The following DMD variants were observed in gnomAD, a reference collection of about 807,000 sequenced individuals.
The protein encoded by DMD is dystrophin.
In DMD, 63 loss-of-function variants were observed where a neutral mutation model predicts 330.1. The ratio of observed to expected loss-of-function variants is 0.19; its 90% CI spans 0.16 to 0.24. DMD has a LOEUF of 0.24. DMD is among the 10% of genes least tolerant of loss of function. DMD has a pLI of 1.00. For missense variants in DMD, 3,344 were observed against 2,684.1 expected (o/e 1.25, Z -5.43); for synonymous variants, 1,223 against 959.8 (o/e 1.27, Z -5.07).
At chrX:31,859,036 T>C (rs1042443515) in intron 48 of DMD, among the ~76,000 whole-genome samples, 7 of 112,059 alleles carry the variant, frequency 6.2e-5, no homozygotes, top group Admixed American at 3.8e-4. Flanking sequence ...GTAACTGATA[T>C]AGTCAGCAGA....
chrX:32,730,510 G>T (rs1289888220), intron 7 of DMD, among the ~76,000 whole-genome samples: 2 of 112,000 alleles, frequency 1.8e-5, no homozygotes, highest in Non-Finnish European at 3.8e-5. Context: ...AGAGCCATAG[G>T]ACAGAAGAGT....
intron 43 of DMD, among the ~76,000 whole-genome samples, chrX:32,233,415 T>A (rs2097175449): frequency 9.0e-6 from 1 of 110,867 alleles, no homozygotes; most frequent in Non-Finnish European, 1.9e-5. Flanking sequence ...TAGATCAACA[T>A]TATGAAGGTT....
chrX:31,490,434 T>C (rs1335696637), intron 57 of DMD, among the ~76,000 whole-genome samples: 2 of 111,328 alleles, frequency 1.8e-5, no homozygotes, highest in African/African-American at 3.3e-5. Flanking sequence ...TGGTGGTGGG[T>C]GCCTGTAGTC....
intron 29 of DMD, among the ~76,000 whole-genome samples, chrX:32,431,561 A>G (rs1469688904): frequency 9.1e-6 from 1 of 110,354 alleles, no homozygotes; most frequent in Non-Finnish European, 1.9e-5. Context: ...CCACCTCCTT[A>G]GTTTTTGGTA....
intron 44 of DMD, among the ~76,000 whole-genome samples, chrX:32,126,046 GAGTGTTAGCAA>G (rs751024475): frequency 2.7e-5 from 3 of 111,987 alleles, no homozygotes; most frequent in Non-Finnish European, 5.6e-5. Context: ...TCCCCTTCCT[GAGTGTTAGCAA>G]AGTGATGGGT....
chrX:31,745,451 C>T (rs1480078705), intron 51 of DMD, among the ~76,000 whole-genome samples: 1 of 111,731 alleles, frequency 9.0e-6, no homozygotes, highest in Admixed American at 9.5e-5. Flanking sequence ...ATATTAACCT[C>T]GTACAACTGC....
At chrX:33,242,907 G>GT (rs2052610029) in intron 1 of DMD, among the ~76,000 whole-genome samples, 1 of 111,965 alleles carries the variant, frequency 8.9e-6, no homozygotes, top group Non-Finnish European at 1.9e-5. Context: ...TTAGGGAATT[G>GT]TCTATTCATA....
At chrX:32,506,396 T>A (rs2044625712) in intron 18 of DMD, among the ~76,000 whole-genome samples, 1 of 97,896 alleles carries the variant, frequency 1.0e-5, no homozygotes, top group South Asian at 5.1e-4. Flanking sequence ...GAATACTGGA[T>A]TCAATATCAA....
At chrX:32,557,009 T>C (rs746541753) in intron 16 of DMD, among the ~76,000 whole-genome samples, 22 of 111,960 alleles carry the variant, frequency 2.0e-4, no homozygotes, top group African/African-American at 6.5e-4. Context: ...AATAAGTGTT[T>C]TGAATTGATT....
intron 11 of DMD, among the ~76,000 whole-genome samples, chrX:32,617,517 A>G (rs982948382): frequency 9.0e-5 from 10 of 111,652 alleles, no homozygotes; most frequent in African/African-American, 2.9e-4. Flanking sequence ...TACATGCAGA[A>G]GAATGAAATT....
chrX:32,837,860 T>C (rs1262288480), intron 4 of DMD, among the ~76,000 whole-genome samples: 1 of 112,136 alleles, frequency 8.9e-6, no homozygotes, highest in East Asian at 2.8e-4. Context: ...ATTTTCTGAA[T>C]GCCTTGTTGA....
intron 60 of DMD, among the ~76,000 whole-genome samples, chrX:31,369,482 T>C (rs921205133): frequency 2.7e-5 from 3 of 112,259 alleles, no homozygotes; most frequent in African/African-American, 9.7e-5. Context: ...CAATGCATCA[T>C]GTTAGATTTA....
At chrX:31,898,705 G>A (rs1162834206) in intron 47 of DMD, among the ~76,000 whole-genome samples, 3 of 111,910 alleles carry the variant, frequency 2.7e-5, no homozygotes, top group Non-Finnish European at 5.6e-5. Context: ...TTTTCTTAAG[G>A]AATGATGGTT....
chrX:32,646,637 C>A (rs1183524114), intron 9 of DMD, among the ~76,000 whole-genome samples: 1 of 111,441 alleles, frequency 9.0e-6, no homozygotes, highest in African/African-American at 3.3e-5. Flanking sequence ...TCCTGTCCTT[C>A]TCAGTTCTGG....
At chrX:32,613,728 T>C (rs1317460985) in intron 12 of DMD, among the ~76,000 whole-genome samples, 1 of 111,147 alleles carries the variant, frequency 9.0e-6, no homozygotes, top group East Asian at 2.8e-4. Flanking sequence ...ATACCCTGCG[T>C]TGTTCTCATC....
At chrX:32,783,665 A>T (rs2075092412) in intron 7 of DMD, among the ~76,000 whole-genome samples, 1 of 110,484 alleles carries the variant, frequency 9.1e-6, no homozygotes, top group Non-Finnish European at 1.9e-5. Context: ...TACTATTTAT[A>T]TTGTATTAGG....
Position 32,469,868 on chromosome X carries a change from A to G in DMD, c.2950-1158T>C, listed in dbSNP as rs143390414. On this transcript the variant is annotated intron_variant, in intron 22 of 78. Coordinates refer to ENST00000357033, the MANE Select transcript of DMD (RefSeq NM_004006.3). ...AATCCATCCATCCATCCCTCAATCA[A>G]TCAATATCCTATCTATCTCCAGTTC... is the stretch of plus-strand genomic sequence containing the variant. Among the ~76,000 whole-genome samples, 348 of 110,923 alleles carry G rather than the reference A, an allele frequency of 3.1e-3. 3 individuals are homozygous for G. The South Asian group carries it at 0.051, about 16-fold the overall frequency.
intron 51 of DMD, among the ~76,000 whole-genome samples, chrX:31,763,170 T>C: frequency 8.9e-6 from 1 of 112,568 alleles, no homozygotes; most frequent in Non-Finnish European, 1.9e-5. Context: ...ACAACATACA[T>C]TTGAAAAGAA....
chrX:32,267,407 A>T (rs918751803), intron 43 of DMD, among the ~76,000 whole-genome samples: 19 of 112,298 alleles, frequency 1.7e-4, no homozygotes, highest in Non-Finnish European at 2.8e-4. Context: ...TAATGAGAAA[A>T]ATTTGTCTTC....
Sources: allele counts gnomAD v4.1 joint callset (sites outside exome capture counted in the v4.1 genomes callset), GRCh38; gene constraint gnomAD v4.1.1; transcripts MANE v1.5; gene names NCBI Gene and HGNC (gene_info 2026-07-23, HGNC 2026-07-21).